The following WDR37 variants were observed in gnomAD, a reference collection of about 807,000 sequenced individuals.
WDR37 encodes the protein WD repeat-containing protein 37.
Under a neutral mutation model 62.9 loss-of-function variants are expected in WDR37, and 19 were observed. That is an observed-to-expected ratio of 0.30 (90% CI 0.21 to 0.44). WDR37 has a LOEUF of 0.44. Ranked by LOEUF, WDR37 falls within the 20% of genes least tolerant of loss-of-function variation. The pLI, the probability that WDR37 is intolerant of heterozygous loss-of-function variation, is 1.00. For synonymous variants in WDR37, 250 were observed against 260.9 expected, an observed-to-expected ratio of 0.96 and a Z score of 0.40; for missense variants, 474 against 657.6, an observed-to-expected ratio of 0.72 and a Z score of 3.05.
chr10:1,058,480 C>T (rs374225108), intron 1 of WDR37, among the ~76,000 whole-genome samples: 2 of 152,288 alleles, frequency 1.3e-5, no homozygotes, highest in Middle Eastern at 3.4e-3. Flanking sequence ...ATAGAGTTTT[C>T]ATATTTATCC....
At chr10:1,107,013 G>T (rs1309801276) in intron 11 of WDR37, among the ~76,000 whole-genome samples, 1 of 152,220 alleles carries the variant, frequency 6.6e-6, no homozygotes, top group African/African-American at 2.4e-5. Flanking sequence ...CTCCGTCAGC[G>T]ATAGCCATAG....
chr10:1,115,992 T>G (rs2131680083), intron 11 of WDR37, among the ~76,000 whole-genome samples: 1 of 152,296 alleles, frequency 6.6e-6, no homozygotes, highest in South Asian at 2.1e-4. Flanking sequence ...TTAGATTACA[T>G]TAGAGTACTT....
intron 3 of WDR37, among the ~76,000 whole-genome samples, chr10:1,079,234 A>G (rs1009849855): frequency 4.6e-5 from 7 of 150,640 alleles, no homozygotes; most frequent in Non-Finnish European, 7.4e-5. Context: ...ACAGGCACCC[A>G]CCACCATGCC....
At chr10:1,127,406 CCT>C (rs932320515) in intron 13 of WDR37, among the ~76,000 whole-genome samples, 1 of 152,162 alleles carries the variant, frequency 6.6e-6, no homozygotes, top group African/African-American at 2.4e-5. Flanking sequence ...ACTTGTAACA[CCT>C]CTTCAGATAA....
intron 9 of WDR37, among the ~76,000 whole-genome samples, chr10:1,098,546 C>T (rs1834678003): frequency 6.6e-6 from 1 of 152,152 alleles, no homozygotes; most frequent in Admixed American, 6.5e-5. Flanking sequence ...CAGACGGTCT[C>T]AATCTCTTGA....
chr10:1,092,901 A>C (rs1012803699), intron 7 of WDR37, among the ~76,000 whole-genome samples: 1 of 150,186 alleles, frequency 6.7e-6, no homozygotes, highest in Non-Finnish European at 1.5e-5. Flanking sequence ...AAAAAAAAGA[A>C]GACCTCTGCC....
At chr10:1,127,225 GTTC>G (rs1267496290) in intron 13 of WDR37, among the ~76,000 whole-genome samples, 3 of 152,288 alleles carry the variant, frequency 2.0e-5, no homozygotes, top group Admixed American at 6.5e-5. Context: ...ATTCTGAATG[GTTC>G]TTCTTGGCCT....
chr10:1,089,146 C>T (rs1486412638), intron 7 of WDR37, among the ~76,000 whole-genome samples: 1 of 152,028 alleles, frequency 6.6e-6, no homozygotes, highest in Non-Finnish European at 1.5e-5. Context: ...TCCGTGTTAG[C>T]TCTTAGAGGC....
intron 13 of WDR37, among the ~76,000 whole-genome samples, chr10:1,127,750 G>A (rs1281998406): frequency 6.6e-6 from 1 of 152,130 alleles, no homozygotes; most frequent in South Asian, 2.1e-4. Flanking sequence ...TCCCTGTGAT[G>A]TGGAGGCCCG....
intron 6 of WDR37, among the ~76,000 whole-genome samples, chr10:1,085,617 T>C (rs1475621449): frequency 3.9e-5 from 6 of 152,256 alleles, no homozygotes; most frequent in African/African-American, 1.4e-4. Context: ...AATCACTCAC[T>C]GGACTCTGCT....
At chr10:1,061,506 G>A (rs760774222) in intron 1 of WDR37, among the ~76,000 whole-genome samples, 3 of 151,836 alleles carry the variant, frequency 2.0e-5, no homozygotes, top group East Asian at 1.9e-4. Flanking sequence ...ATGTGGGTGC[G>A]CAACATAGTT....
chr10:1,106,388 A>G (rs560903951), intron 11 of WDR37, among the ~76,000 whole-genome samples: 2 of 152,176 alleles, frequency 1.3e-5, no homozygotes, highest in Non-Finnish European at 2.9e-5. Context: ...AGCAGTGTGC[A>G]TTGAAAGGTT....
chr10:1,126,397 C>T (rs1410241460), intron 13 of WDR37, among the ~76,000 whole-genome samples: 37 of 138,334 alleles, frequency 2.7e-4, no homozygotes, highest in South Asian at 1.2e-3. Context: ...CAGAGCGAGA[C>T]TGTGTCTCAG....
chr10:1,080,582 A>G (rs998826561), intron 5 of WDR37, 106 bp downstream of exon 5: 4 of 1,329,478 alleles, frequency 3.0e-6, no homozygotes, highest in Non-Finnish European at 4.2e-6. Context: ...AGAAAAAGAT[A>G]AATGGTTTTA....
chr10:1,123,427 C>CA (rs2131691570), intron 11 of WDR37, among the ~76,000 whole-genome samples: 1 of 152,326 alleles, frequency 6.6e-6, no homozygotes, highest in South Asian at 2.1e-4. Context: ...GCCCATCCCC[C>CA]AGACCCCGAG....
chr10:1,064,819 T>C (rs1366020355), intron 1 of WDR37, among the ~76,000 whole-genome samples: 1 of 152,074 alleles, frequency 6.6e-6, no homozygotes, highest in East Asian at 1.9e-4. Flanking sequence ...CTTGAACTCC[T>C]GACCTCAGGT....
chr10:1,085,569 A>T (rs945036407), intron 6 of WDR37, among the ~76,000 whole-genome samples: 1 of 152,234 alleles, frequency 6.6e-6, no homozygotes, highest in Non-Finnish European at 1.5e-5. Flanking sequence ...ATTACAAATG[A>T]TGCTCATTGA....
intron 13 of WDR37, among the ~76,000 whole-genome samples, chr10:1,126,310 G>T (rs1043821509): frequency 1.3e-5 from 2 of 150,584 alleles, no homozygotes; most frequent in Non-Finnish European, 2.9e-5. Flanking sequence ...GGAGGCTGAG[G>T]CAGGAGAATG....
chr10:1,072,629 A>G (rs540533784), intron 2 of WDR37, among the ~76,000 whole-genome samples: 1 of 152,256 alleles, frequency 6.6e-6, no homozygotes, highest in African/African-American at 2.4e-5. Context: ...GCCTTATTTT[A>G]AAGATGGTGA....
Sources: gnomAD v4.1 joint callset for allele counts (sites outside exome capture counted in the v4.1 genomes callset) on GRCh38, gnomAD v4.1.1 for gene constraint, MANE v1.5 for transcripts, NCBI Gene and HGNC (gene_info 2026-07-23, HGNC 2026-07-21) for gene names.